PRR16: variants seen among roughly 807,000 people sequenced by gnomAD.
PRR16 encodes protein Largen.
A neutral mutation model predicts 18.2 loss-of-function variants in PRR16; 6 were observed. The observed-to-expected ratio is 0.33, with a 90% CI of 0.18 to 0.65. The LOEUF (loss-of-function observed/expected upper bound fraction) is 0.65, where lower values mean the gene tolerates loss of function less well. Ranked by LOEUF, PRR16 falls within the 30% of genes least tolerant of loss-of-function variation. PRR16 has a pLI of 0.74. For synonymous variants in PRR16, 151 were observed against 147.8 expected (o/e 1.02, Z -0.16); for missense variants, 412 against 376.6 (o/e 1.09, Z -0.78).
At chr5:120,684,970 C>T (rs1475780377) in intron 1 of PRR16, among the ~76,000 whole-genome samples, 3 of 152,170 alleles carry the variant, frequency 2.0e-5, no homozygotes, top group African/African-American at 7.2e-5. Flanking sequence ...GTGTGACTTC[C>T]TGTCATTCAC....
the PRR16 span, among the ~76,000 whole-genome samples, chr5:120,727,218 T>A: frequency 1.3e-5 from 2 of 152,100 alleles, no homozygotes; most frequent in African/African-American, 4.8e-5. Flanking sequence ...GTATATCTGC[T>A]GCTCCAAGAT....
the PRR16 span, among the ~76,000 whole-genome samples, chr5:120,732,810 CA>C: frequency 6.6e-6 from 1 of 151,916 alleles, no homozygotes; most frequent in African/African-American, 2.4e-5. Context: ...ATGTCCCTTC[CA>C]AAGGTGAAAA....
chr5:120,635,946 A>C (rs200000372), intron 1 of PRR16, among the ~76,000 whole-genome samples: 1 of 152,168 alleles, frequency 6.6e-6, no homozygotes, highest in African/African-American at 2.4e-5. Context: ...TAAATATACA[A>C]AAATTAGTAG....
At chr5:120,778,160 CTAATT>C in the PRR16 span, among the ~76,000 whole-genome samples, 4 of 151,894 alleles carry the variant, frequency 2.6e-5, no homozygotes, top group Non-Finnish European at 5.9e-5. Context: ...AGTTATTTGT[CTAATT>C]TACAAGAATA....
chr5:120,665,717 C>T (rs1378005643), intron 1 of PRR16, among the ~76,000 whole-genome samples: 1 of 152,154 alleles, frequency 6.6e-6, no homozygotes, highest in Non-Finnish European at 1.5e-5. Flanking sequence ...AATAGGGAAT[C>T]CTTCCCCCAT....
intron 1 of PRR16, among the ~76,000 whole-genome samples, chr5:120,572,725 G>A (rs1752947397): frequency 6.6e-6 from 1 of 152,148 alleles, no homozygotes; most frequent in Admixed American, 6.6e-5. Flanking sequence ...ACAGATTCAA[G>A]AAGGAGCTAA....
At chr5:120,678,274 T>C (rs1018489598) in intron 1 of PRR16, among the ~76,000 whole-genome samples, 2 of 152,210 alleles carry the variant, frequency 1.3e-5, no homozygotes, top group Non-Finnish European at 2.9e-5. Context: ...TCACCAATTC[T>C]ATATTTTTCT....
At chr5:120,781,543 C>T in the PRR16 span, 1 of 152,124 alleles carries the variant, frequency 6.6e-6, no homozygotes, top group Admixed American at 6.5e-5. Flanking sequence ...GGAGGCATCT[C>T]TCACATAAGG....
At chr5:120,503,116 CAA>C (rs1028204055) in intron 1 of PRR16, among the ~76,000 whole-genome samples, 1 of 151,952 alleles carries the variant, frequency 6.6e-6, no homozygotes, top group African/African-American at 2.4e-5. Flanking sequence ...TTCAATAAAT[CAA>C]AGAAAGTTTA....
At chr5:120,486,085 T>C (rs1428247050) in intron 1 of PRR16, among the ~76,000 whole-genome samples, 1 of 152,206 alleles carries the variant, frequency 6.6e-6, no homozygotes, top group Non-Finnish European at 1.5e-5. Context: ...GTCTTTGCTA[T>C]TGTGAATAAT....
At chr5:120,766,922 C>A in the PRR16 span, among the ~76,000 whole-genome samples, 5 of 151,832 alleles carry the variant, frequency 3.3e-5, no homozygotes, top group African/African-American at 9.7e-5. Flanking sequence ...TGTTTTATCT[C>A]CTCCTCAGTG....
chr5:120,536,880 G>T lies in PRR16; in HGVS notation c.159+72235G>T, dbSNP rs116822522. Reference sequence around the variant, plus strand: ...TGCAACCATAAAAAAGAACAAGATCGTGTCTTTTGTGGCAGCATGTGTAGA... The same window carrying T: ...TGCAACCATAAAAAAGAACAAGATCTTGTCTTTTGTGGCAGCATGTGTAGA... On this transcript the variant is annotated intron_variant, in intron 1 of 1. Transcript: ENST00000407149. 3.6e-3 allele frequency among the ~76,000 whole-genome samples: 548 copies of T among 152,288 alleles called. 1 individual carries two copies. Among genetic ancestry groups the T allele is most frequent in the African/African-American group, 0.012 (517 of 41,558 alleles).
At chr5:120,533,005 A>AT (rs1751600124) in intron 1 of PRR16, among the ~76,000 whole-genome samples, 1 of 152,202 alleles carries the variant, frequency 6.6e-6, no homozygotes. Flanking sequence ...TCACAGGCAG[A>AT]TTATTGCTTC....
the PRR16 span, among the ~76,000 whole-genome samples, chr5:120,727,342 C>T: frequency 9.2e-5 from 14 of 152,060 alleles, no homozygotes; most frequent in East Asian, 7.8e-4. Context: ...TGGTGTCTTC[C>T]GAAGAATCTG....
intron 1 of PRR16, among the ~76,000 whole-genome samples, chr5:120,470,697 C>A (rs1000022857): frequency 2.6e-5 from 4 of 152,028 alleles, no homozygotes; most frequent in African/African-American, 9.7e-5. Flanking sequence ...CTCTTCTCAG[C>A]GCATTTATTT....
At chr5:120,652,153 T>C (rs1310596011) in intron 1 of PRR16, among the ~76,000 whole-genome samples, 1 of 152,138 alleles carries the variant, frequency 6.6e-6, no homozygotes, top group Non-Finnish European at 1.5e-5. Context: ...TGGATGTACA[T>C]TAATATAAAG....
At chr5:120,664,684 G>A (rs556225669) in intron 1 of PRR16, among the ~76,000 whole-genome samples, 5 of 151,884 alleles carry the variant, frequency 3.3e-5, no homozygotes, top group South Asian at 4.2e-4. Flanking sequence ...TTCAATTCAC[G>A]TCTATGAGTG....
At chr5:120,503,894 G>GT (rs1750553437) in intron 1 of PRR16, among the ~76,000 whole-genome samples, 1 of 151,640 alleles carries the variant, frequency 6.6e-6, no homozygotes, top group African/African-American at 2.4e-5. Context: ...GCAGTGTTTG[G>GT]TTTTTTGTCC....
intron 1 of PRR16, among the ~76,000 whole-genome samples, chr5:120,509,133 TGTA>T (rs1218118054): frequency 6.6e-6 from 1 of 152,140 alleles, no homozygotes; most frequent in Non-Finnish European, 1.5e-5. Context: ...GCTGGCAAAA[TGTA>T]GTAGCACAGT....
Sources: gnomAD v4.1 joint callset for allele counts (sites outside exome capture counted in the v4.1 genomes callset) on GRCh38, gnomAD v4.1.1 for gene constraint, MANE v1.5 for transcripts, NCBI Gene and HGNC (gene_info 2026-07-23, HGNC 2026-07-21) for gene names.